COP1: variants seen among roughly 807,000 people sequenced by gnomAD.
The protein encoded by COP1 is E3 ubiquitin-protein ligase COP1.
COP1 carries 24 observed loss-of-function variants against 101.3 expected under a neutral mutation model. The ratio of observed to expected loss-of-function variants is 0.24; its 90% CI spans 0.17 to 0.33. COP1 has a LOEUF of 0.33. Among genes scored for constraint, COP1 ranks in the 10% least tolerant of loss-of-function variants. COP1 has a pLI of 1.00. For synonymous variants in COP1, 347 were observed against 341.9 expected (o/e 1.01, Z -0.17); for missense variants, 663 against 906.2 (o/e 0.73, Z 3.45).
chr1:176,190,775 CAACA>C (rs1699035928), intron 1 of COP1, among the ~76,000 whole-genome samples: 1 of 151,694 alleles, frequency 6.6e-6, no homozygotes, highest in South Asian at 2.1e-4. Context: ...TAGAACTGTC[CAACA>C]AACTAATATG....
intron 15 of COP1, among the ~76,000 whole-genome samples, chr1:176,025,819 G>A (rs1400739236): frequency 6.6e-6 from 1 of 152,022 alleles, no homozygotes; most frequent in Non-Finnish European, 1.5e-5. Context: ...GAGCCAGGGA[G>A]GACCAGGCTG....
intron 11 of COP1, among the ~76,000 whole-genome samples, chr1:176,078,417 A>G (rs978397223): frequency 1.3e-5 from 2 of 152,200 alleles, no homozygotes; most frequent in Non-Finnish European, 2.9e-5. Flanking sequence ...TATTCAATCA[A>G]TGGTGCTTGG....
Position 176,191,425 on chromosome 1 carries a change from G to A in COP1, c.408-6733C>T, listed in dbSNP as rs980182837. On this transcript the variant is annotated intron_variant, in intron 1 of 19. Transcript: ENST00000367669. The stretch of plus-strand genomic sequence containing the variant: ...AAAGACGCCCAGCAAAAGGGCCATG[G>A]AAATGTTTCTTCCTTCTTCACAAAA... Among the ~76,000 whole-genome samples, 13 of 152,028 alleles carry A rather than the reference G, an allele frequency of 8.6e-5. No individual in the cohort carries two copies. In the East Asian group the frequency reaches 2.5e-3, roughly 29 times the overall value.
intron 9 of COP1, 86 bp downstream of exon 9, chr1:176,116,538 G>A: frequency 1.8e-6 from 2 of 1,098,136 alleles, no homozygotes; most frequent in Admixed American, 2.0e-5. Flanking sequence ...CTTTGTGACA[G>A]GACATTTTAG....
chr1:176,197,577 G>C (rs1208352196), intron 1 of COP1, among the ~76,000 whole-genome samples: 1 of 152,098 alleles, frequency 6.6e-6, no homozygotes, highest in Non-Finnish European at 1.5e-5. Flanking sequence ...AATACACTGT[G>C]ATATGAAAAC....
In COP1 at chr1:176,114,050, G is replaced by T. The variant is rs1396570933; in HGVS notation, c.1026+2574C>A. ...TTTGTTTCGCTTCATCAGTCACAGG[G>T]AGTAGCCTTGTCTGATGTTGATGTT... On this transcript the variant is annotated intron_variant, in intron 9 of 19. Transcript: ENST00000367669. 5.3e-5 allele frequency among the ~76,000 whole-genome samples: 8 copies of T among 151,874 alleles called. 1 individual carries two copies. Among genetic ancestry groups the T allele is most frequent in the Non-Finnish European group, 2.9e-5 (2 of 67,970 alleles).
intron 14 of COP1, among the ~76,000 whole-genome samples, chr1:176,038,321 A>G (rs1218567131): frequency 2.0e-5 from 3 of 152,246 alleles, no homozygotes; most frequent in Non-Finnish European, 4.4e-5. Context: ...AATTTTTCCC[A>G]AATTGATCTA....
In COP1 at chr1:176,059,723, C is replaced by T. The variant is rs181711713; in HGVS notation, c.1278-13399G>A. Among the ~76,000 whole-genome samples, 19 of 152,200 alleles carry T rather than the reference C, an allele frequency of 1.2e-4. No homozygotes were observed. In the East Asian group the frequency reaches 3.7e-3, roughly 29 times the overall value. On this transcript the variant is annotated intron_variant, in intron 11 of 19. Transcript: ENST00000367669. The stretch of plus-strand genomic sequence containing the variant: ...GTCTCGAACTCCTGACCTCGTGATC[C>T]ACCTGCCTCAGCCTCCCAAAGTGCT...
At chr1:175,951,965 ACACC>A (rs1313908433) in intron 18 of COP1, among the ~76,000 whole-genome samples, 1 of 152,228 alleles carries the variant, frequency 6.6e-6, no homozygotes, top group East Asian at 1.9e-4. Flanking sequence ...AAGAAGCACA[ACACC>A]ACATCAAGGC....
chr1:176,069,482 A>G (rs1245259437), intron 11 of COP1, among the ~76,000 whole-genome samples: 2 of 152,176 alleles, frequency 1.3e-5, no homozygotes, highest in Non-Finnish European at 2.9e-5. Flanking sequence ...AATTTAAGTT[A>G]TTTATCCTCC....
chr1:176,138,756 C>T (rs923469172), intron 6 of COP1, among the ~76,000 whole-genome samples: 2 of 152,248 alleles, frequency 1.3e-5, no homozygotes, highest in Non-Finnish European at 1.5e-5. Flanking sequence ...GCAGCCAAAT[C>T]CCTGTCCACC....
chr1:175,965,496 T>C (rs1260695246), intron 18 of COP1, among the ~76,000 whole-genome samples: 2 of 152,190 alleles, frequency 1.3e-5, no homozygotes, highest in African/African-American at 4.8e-5. Context: ...TAAAGCACTT[T>C]CTAGTACATC....
intron 14 of COP1, among the ~76,000 whole-genome samples, chr1:176,038,438 AATC>A (rs1162314425): frequency 3.9e-5 from 6 of 152,238 alleles, no homozygotes; most frequent in African/African-American, 1.4e-4. Flanking sequence ...AAGAGTTAAA[AATC>A]ATTTTCAAAA....
At chr1:176,163,733 A>G (rs1220057447) in intron 4 of COP1, 82 bp downstream of exon 4, 12 of 858,580 alleles carry the variant, frequency 1.4e-5, no homozygotes, top group Non-Finnish European at 1.6e-5. Flanking sequence ...AATATACTAA[A>G]CTTTAACATC....
At chr1:176,107,737 GAGTGATCAA>G (rs1684561597) in intron 9 of COP1, among the ~76,000 whole-genome samples, 1 of 152,032 alleles carries the variant, frequency 6.6e-6, no homozygotes, top group African/African-American at 2.4e-5. Context: ...CATTTTAATC[GAGTGATCAA>G]AGTTAACATC....
At chr1:176,119,966 G>A (rs1305554644) in intron 8 of COP1, among the ~76,000 whole-genome samples, 1 of 152,056 alleles carries the variant, frequency 6.6e-6, no homozygotes, top group African/African-American at 2.4e-5. Context: ...AACCCAAGCA[G>A]TCAAGTCCCA....
chr1:176,203,245 G>A (rs1700466309), intron 1 of COP1, among the ~76,000 whole-genome samples: 1 of 151,828 alleles, frequency 6.6e-6, no homozygotes, highest in Non-Finnish European at 1.5e-5. Flanking sequence ...GCTGAGGCAG[G>A]AGAATGGCGT....
chr1:175,987,112 AAATAAT>A lies in COP1; in HGVS notation c.1973-15_1973-10del, dbSNP rs781292212. The A allele has an allele frequency of 1.4e-5, 18 of 1,329,592 alleles. No individual in the cohort carries two copies. Among genetic ancestry groups the A allele is most frequent in the Non-Finnish European group, 1.9e-5 (18 of 958,832 alleles). 82.4% of individuals were successfully genotyped at this position (1,329,592 alleles called of 1,614,324 possible). ...AGAGTTATTTTCACTTCCTGAAAAC[AAATAAT>A]AATAATAGTATTTTAGAATAGAAAA... On this transcript the variant is annotated splice_polypyrimidine_tract_variant and intron_variant, in intron 17 of 19. Transcript: ENST00000367669.
chr1:175,961,801 C>A (rs1357337), intron 18 of COP1, among the ~76,000 whole-genome samples: 1 of 150,714 alleles, frequency 6.6e-6, no homozygotes, highest in African/African-American at 2.5e-5. Flanking sequence ...AAAGGCTTCA[C>A]AGATTAGGTC....
Sources: gnomAD v4.1 joint callset for allele counts (sites outside exome capture counted in the v4.1 genomes callset) on GRCh38, gnomAD v4.1.1 for gene constraint, MANE v1.5 for transcripts, NCBI Gene and HGNC (gene_info 2026-07-23, HGNC 2026-07-21) for gene names.